The following PUM3 variants were observed in gnomAD, a reference collection of about 807,000 sequenced individuals.
PUM3 encodes pumilio RNA binding family member 3, also known as pumilio homolog 3.
PUM3 carries 91 observed loss-of-function variants against 84.0 expected under a neutral mutation model. The ratio of observed to expected loss-of-function variants is 1.08; its 90% confidence interval spans 0.91 to 1.29. The LOEUF (loss-of-function observed/expected upper bound fraction) is 1.29, where lower values mean the gene tolerates loss of function less well. Ranked by LOEUF, PUM3 falls within the 50% of genes most tolerant of loss-of-function variation. The probability of loss-of-function intolerance (pLI) is 0.00; values close to 1 mark genes in which losing one functional copy is unlikely to be tolerated. For synonymous variants in PUM3, 321 were observed against 266.7 expected (o/e 1.20, Z -1.98); for missense variants, 1,067 against 767.5 (o/e 1.39, Z -4.61).
At chr9:2,827,692 A>C (rs1002655639) in intron 9 of PUM3, among the ~76,000 whole-genome samples, 2 of 152,248 alleles carry the variant, frequency 1.3e-5, no homozygotes, top group Non-Finnish European at 2.9e-5. Context: ...ATGGTCAGGC[A>C]TAAAAGACCT....
intron 13 of PUM3, among the ~76,000 whole-genome samples, chr9:2,814,438 T>C (rs1821432088): frequency 6.6e-6 from 1 of 152,174 alleles, no homozygotes; most frequent in Non-Finnish European, 1.5e-5. Context: ...CTCGAACTCC[T>C]AACCTTAGGT....
At position 2,830,808 on chromosome 9, in the gene PUM3, G is replaced by A. The variant is rs560881214; in HGVS notation, c.677+154C>T. Reference sequence around the variant, plus strand: ...CATTAATTTCGATAATTGTATTTAAGATGATACTCTCTAAAAACAACACAA... The same window carrying A: ...CATTAATTTCGATAATTGTATTTAAAATGATACTCTCTAAAAACAACACAA... On this transcript the variant is annotated intron_variant, in intron 7 of 17. Transcript: ENST00000397885. Among the ~76,000 whole-genome samples the A allele has an allele frequency of 3.3e-5, 5 of 152,206 alleles. No homozygotes were observed. In the South Asian group the frequency reaches 1.0e-3, roughly 32 times the overall value.
At chr9:2,833,160 C>A (rs1216965620) in intron 5 of PUM3, among the ~76,000 whole-genome samples, 197 bp downstream of exon 5, 9 of 152,100 alleles carry the variant, frequency 5.9e-5, no homozygotes, top group African/African-American at 1.9e-4. Context: ...GACTGATAAT[C>A]TTTTCAAAAC....
chr9:2,831,368 A>C (rs375292908), intron 5 of PUM3, 24 bp from the exon 6 acceptor site: 13 of 1,435,180 alleles, frequency 9.1e-6, no homozygotes, highest in Non-Finnish European at 1.3e-5. Flanking sequence ...TTTGAGTTAG[A>C]CTAATTCTCT....
chr9:2,820,047 T>C lies in PUM3; in HGVS notation c.1240A>G (p.Thr414Ala), dbSNP rs1821555999. The C allele has an allele frequency of 6.2e-7, 1 of 1,612,082 alleles. No individual in the cohort carries two copies. The highest frequency in any genetic ancestry group is 8.5e-7 in the Non-Finnish European group (1 of 1,178,394). ...ATGATTATCTGCTTCACAAGCTTAG[T>C]ATCATCAATACAATCAAATGCCGCC... Reference protein sequence around the residue: ...LLAAFDCIDDTKLVKQIIISE... With the variant: ...LLAAFDCIDDAKLVKQIIISE... Residue 414 changes from threonine (T) to alanine (A), a missense_variant, in exon 13 of 18, where the codon ACT becomes GCT. Physicochemically the swap from Thr to Ala is moderately conservative, Grantham distance 58. Transcript: ENST00000397885.
chr9:2,826,733 T>C (rs767212646), intron 10 of PUM3, among the ~76,000 whole-genome samples: 6 of 152,176 alleles, frequency 3.9e-5, no homozygotes, highest in Admixed American at 6.5e-5. Context: ...TTTTTTTTTG[T>C]ATTAGCACAG....
chr9:2,817,878 T>C (rs969590255), intron 13 of PUM3, among the ~76,000 whole-genome samples: 1 of 148,036 alleles, frequency 6.8e-6, no homozygotes, highest in African/African-American at 2.4e-5. Flanking sequence ...CAAACAGCAA[T>C]TGGCTAGTAT....
rs1816145396 is a variant in PUM3 at position 2,837,171 on chromosome 9, A to G, written c.304+9T>C. The G allele has an allele frequency of 5.6e-6, 9 of 1,611,774 alleles. No homozygotes were observed. The highest frequency in any genetic ancestry group is 2.2e-5 in the East Asian group (1 of 44,868). ...GCACTAGTTCAGGCATGAACGAACC[A>G]GTACTTACCATCGCTTCTACCATCT... On this transcript the variant is annotated intron_variant, in intron 3 of 17. Transcript: ENST00000397885.
At chr9:2,810,993 A>G (rs1200820312) in intron 15 of PUM3, among the ~76,000 whole-genome samples, 1 of 152,188 alleles carries the variant, frequency 6.6e-6, no homozygotes, top group Non-Finnish European at 1.5e-5. Context: ...CTCCTTATAG[A>G]GAAACTTTCA....
At chr9:2,843,805 C>T (rs1272343674) in intron 1 of PUM3, among the ~76,000 whole-genome samples, 3 of 151,922 alleles carry the variant, frequency 2.0e-5, no homozygotes, top group Non-Finnish European at 4.4e-5. Context: ...GTCTCGATCT[C>T]CTGACCTTGT....
intron 8 of PUM3, among the ~76,000 whole-genome samples, chr9:2,829,470 T>C (rs958890390): frequency 2.0e-5 from 3 of 152,196 alleles, no homozygotes; most frequent in Non-Finnish European, 1.5e-5. Context: ...TTGCTAACTA[T>C]TGGGAGTCTT....
chr9:2,832,715 C>T (rs1816017650), intron 5 of PUM3, among the ~76,000 whole-genome samples: 1 of 152,180 alleles, frequency 6.6e-6, no homozygotes, highest in African/African-American at 2.4e-5. Context: ...TGACTTGCTA[C>T]TTTCCTTCAA....
In PUM3 at chr9:2,828,775, C is replaced by G. The variant is rs376800757; in HGVS notation, c.856G>C (p.Ala286Pro). 2 of 1,543,256 alleles carry G rather than the reference C, an allele frequency of 1.3e-6. No individual in the cohort carries two copies. The highest frequency in any genetic ancestry group is 2.2e-5 in the East Asian group (1 of 44,492). The change falls in exon 9 of 18, where the codon GCA (alanine) becomes CCA (proline). Residue 286 changes from alanine to proline, a missense_variant. By Grantham distance (27) the Ala-to-Pro change is conservative (BLOSUM62 -1). Coordinates refer to ENST00000397885, the MANE Select transcript of PUM3 (RefSeq NM_014878.5). Reference protein sequence around the residue: ...YGNTFQLYKSADHRTLDKVLE... With the variant: ...YGNTFQLYKSPDHRTLDKVLE... ...ACTTTGTCCAGAGTTCGGTGATCTG[C>G]TGACTGCAACAAAACAAAACAATCA...
intron 9 of PUM3, 97 bp from the exon 10 acceptor site, chr9:2,827,248 G>A: frequency 1.3e-6 from 1 of 771,528 alleles, no homozygotes; most frequent in Non-Finnish European, 2.1e-6. Context: ...ATCTAAACAA[G>A]TGAAATGGTT....
At chr9:2,835,580 T>A (rs577559101) in intron 3 of PUM3, among the ~76,000 whole-genome samples, 46 of 152,150 alleles carry the variant, frequency 3.0e-4, no homozygotes, top group African/African-American at 1.0e-3. Context: ...CCCTGTCTGG[T>A]AATACAAAAG....
chr9:2,808,557 G>C (rs1241718417), intron 16 of PUM3, among the ~76,000 whole-genome samples: 2 of 152,192 alleles, frequency 1.3e-5, no homozygotes, highest in East Asian at 1.9e-4. Flanking sequence ...GATGGAGGTA[G>C]GGACAACCTA....
At chr9:2,826,000 G>A (rs1815810099) in intron 10 of PUM3, among the ~76,000 whole-genome samples, 1 of 152,096 alleles carries the variant, frequency 6.6e-6, no homozygotes, top group African/African-American at 2.4e-5. Flanking sequence ...ACTCTCAAGA[G>A]CAGTTTCAAC....
intron 3 of PUM3, 138 bp downstream of exon 3, chr9:2,837,042 G>A: frequency 1.4e-6 from 1 of 701,104 alleles, no homozygotes; most frequent in Non-Finnish European, 2.5e-6. Context: ...AAGATGCTTT[G>A]TTGTTTATTT....
intron 13 of PUM3, among the ~76,000 whole-genome samples, chr9:2,815,977 C>T (rs1018783133): frequency 6.6e-6 from 1 of 152,160 alleles, no homozygotes; most frequent in African/African-American, 2.4e-5. Flanking sequence ...AGCTAGATAC[C>T]TTGGCACTCC....
Sources: gnomAD v4.1 joint callset for allele counts (sites outside exome capture counted in the v4.1 genomes callset) on GRCh38, gnomAD v4.1.1 for gene constraint, MANE v1.5 for transcripts, NCBI Gene and HGNC (gene_info 2026-07-23, HGNC 2026-07-21) for gene names.